MAP3K5: variants seen among roughly 807,000 people sequenced by gnomAD.
The protein encoded by MAP3K5 is mitogen-activated protein kinase kinase kinase 5, also known as ASK-1.
A neutral mutation model predicts 158.7 loss-of-function variants in MAP3K5; 56 were observed. That is an observed-to-expected ratio of 0.35 (90% CI 0.28 to 0.44). The LOEUF (loss-of-function observed/expected upper bound fraction) is 0.44. Ranked by LOEUF, MAP3K5 falls within the 20% of genes least tolerant of loss-of-function variation. The pLI is 1.00. For synonymous variants in MAP3K5, 579 were observed against 601.7 expected (o/e 0.96, Z 0.55); for missense variants, 1,294 against 1,674.8 (o/e 0.77, Z 3.97).
chr6:136,567,529 T>G, intron 26 of MAP3K5, 102 bp downstream of exon 26: 1 of 1,232,856 alleles, frequency 8.1e-7, no homozygotes, highest in South Asian at 1.7e-5. Context: ...CAATCAAGTT[T>G]CCATGAATGG....
intron 1 of MAP3K5, among the ~76,000 whole-genome samples, chr6:136,728,551 T>C (rs1726344241): frequency 6.6e-6 from 1 of 152,178 alleles, no homozygotes; most frequent in Admixed American, 6.5e-5. Context: ...TCTTTTAGCT[T>C]CATCAGCCTC....
chr6:136,596,576 T>C (rs919803630), intron 21 of MAP3K5, among the ~76,000 whole-genome samples: 2 of 151,906 alleles, frequency 1.3e-5, no homozygotes, highest in Non-Finnish European at 2.9e-5. Context: ...CATTAGAGCA[T>C]GTGTATATGG....
intron 7 of MAP3K5, among the ~76,000 whole-genome samples, chr6:136,678,149 T>G (rs911480724): frequency 1.2e-4 from 18 of 152,068 alleles, no homozygotes; most frequent in South Asian, 2.1e-4. Context: ...ATTTTCTGGG[T>G]TTTTTTTATT....
At chr6:136,638,464 T>A (rs367623028) in intron 13 of MAP3K5, among the ~76,000 whole-genome samples, 49 of 152,232 alleles carry the variant, frequency 3.2e-4, no homozygotes, top group African/African-American at 1.1e-3. Flanking sequence ...ACTACTTTTT[T>A]AATTCTTTTC....
intron 7 of MAP3K5, among the ~76,000 whole-genome samples, chr6:136,671,028 T>C (rs1296085283): frequency 6.6e-6 from 1 of 152,180 alleles, no homozygotes; most frequent in Non-Finnish European, 1.5e-5. Flanking sequence ...TTCTTTGTCT[T>C]TGTTCAGAGG....
chr6:136,741,712 G>T (rs1167679456), intron 1 of MAP3K5, among the ~76,000 whole-genome samples: 2 of 152,156 alleles, frequency 1.3e-5, no homozygotes, highest in African/African-American at 4.8e-5. Context: ...TTTGTTCACA[G>T]ATGGCAGGAT....
chr6:136,789,182 T>C (rs1391569896), intron 1 of MAP3K5, among the ~76,000 whole-genome samples: 4 of 152,098 alleles, frequency 2.6e-5, no homozygotes, highest in Non-Finnish European at 5.9e-5. Flanking sequence ...TGGTGGCTCA[T>C]GCCTGTAGTC....
intron 7 of MAP3K5, among the ~76,000 whole-genome samples, chr6:136,692,362 A>G (rs1166261789): frequency 6.6e-6 from 1 of 152,118 alleles, no homozygotes; most frequent in African/African-American, 2.4e-5. Context: ...TATCCCACTC[A>G]ATGTCCAGGT....
At chr6:136,651,355 C>T (rs1447132244) in intron 10 of MAP3K5, among the ~76,000 whole-genome samples, 2 of 152,190 alleles carry the variant, frequency 1.3e-5, no homozygotes, top group Admixed American at 6.5e-5. Context: ...GAAGTCCATA[C>T]ATGGGTTCAG....
chr6:136,626,565 C>T (rs1777046447), intron 14 of MAP3K5, among the ~76,000 whole-genome samples: 1 of 152,156 alleles, frequency 6.6e-6, no homozygotes, highest in South Asian at 2.1e-4. Context: ...CCAAACAACG[C>T]CACCTGAAGG....
chr6:136,695,384 C>T (rs1031303643), intron 6 of MAP3K5, among the ~76,000 whole-genome samples: 12 of 152,198 alleles, frequency 7.9e-5, no homozygotes, highest in East Asian at 1.9e-4. Context: ...GGCAATCCGA[C>T]CACCTTGGCC....
intron 1 of MAP3K5, among the ~76,000 whole-genome samples, chr6:136,757,637 GAGTGCAGTA>G (rs1783564949): frequency 1.4e-5 from 2 of 146,728 alleles, no homozygotes; most frequent in African/African-American, 5.1e-5. Flanking sequence ...GCCCAGGCTG[GAGTGCAGTA>G]GCGCAATCTT....
intron 1 of MAP3K5, among the ~76,000 whole-genome samples, chr6:136,775,814 G>C (rs1431524926): frequency 6.6e-6 from 1 of 152,166 alleles, no homozygotes; most frequent in Non-Finnish European, 1.5e-5. Context: ...ACAACACGGT[G>C]GCAACAGCTT....
chr6:136,599,085 C>G (rs1002578235), intron 21 of MAP3K5, among the ~76,000 whole-genome samples: 1 of 148,392 alleles, frequency 6.7e-6, no homozygotes, highest in Admixed American at 6.8e-5. Flanking sequence ...GTGGGAGGAT[C>G]GCTTGAGCCT....
chr6:136,601,931 C>G lies in MAP3K5; in HGVS notation c.2728G>C (p.Glu910Gln). 6.2e-7 allele frequency: 1 copy of G among 1,614,194 alleles called. No individual in the cohort carries two copies. The highest frequency in any genetic ancestry group is 2.2e-5 in the East Asian group (1 of 44,874). Residue 910 changes from glutamate (E) to glutamine (Q), a missense_variant, in exon 20 of 30, where the codon GAG becomes CAG. Glu to Gln is a conservative substitution (Grantham distance 29). Coordinates refer to ENST00000359015, the MANE Select transcript of MAP3K5 (RefSeq NM_005923.4). ...HPEIPESMSA[E>Q]AKAFILKCFE... ...CATTTCAGTATGAATGCCTTGGCCT[C>G]TGCAGACATGGACTCTGGGATCTCA...
intron 1 of MAP3K5, among the ~76,000 whole-genome samples, chr6:136,737,035 G>GTATATATATATATATATATATATATATA (rs1452375249): frequency 5.9e-5 from 7 of 118,720 alleles, no homozygotes; most frequent in Non-Finnish European, 9.2e-5. Context: ...ATATATGTGT[G>GTATATATATATATATATATATATATATA]TGTATATATA....
At chr6:136,716,615 C>T (rs1781540825) in intron 2 of MAP3K5, among the ~76,000 whole-genome samples, 1 of 152,178 alleles carries the variant, frequency 6.6e-6, no homozygotes, top group Non-Finnish European at 1.5e-5. Flanking sequence ...TGCATCTGCA[C>T]CACAGCTCAT....
intron 14 of MAP3K5, among the ~76,000 whole-genome samples, chr6:136,633,420 T>A (rs1027825784): frequency 6.9e-6 from 1 of 144,336 alleles, no homozygotes; most frequent in African/African-American, 2.5e-5. Flanking sequence ...ATAAAATAAA[T>A]ATATGTATAT....
chr6:136,742,096 A>G (rs1488468213), intron 1 of MAP3K5, among the ~76,000 whole-genome samples: 1 of 152,228 alleles, frequency 6.6e-6, no homozygotes. Flanking sequence ...ATTCAATGCA[A>G]TCTCAAGCAA....
Sources: gnomAD v4.1 joint callset for allele counts (sites outside exome capture counted in the v4.1 genomes callset) on GRCh38, gnomAD v4.1.1 for gene constraint, MANE v1.5 for transcripts, NCBI Gene and HGNC (gene_info 2026-07-23, HGNC 2026-07-21) for gene names.